Variants in DPP6 observed in about 807,000 individuals in gnomAD.
DPP6 encodes the protein A-type potassium channel modulatory protein DPP6.
DPP6 carries 69 observed loss-of-function variants against 122.6 expected under a neutral mutation model. The observed-to-expected ratio is 0.56, with a 90% CI of 0.46 to 0.69. The LOEUF (loss-of-function observed/expected upper bound fraction) is 0.69, where lower values mean the gene tolerates loss of function less well. DPP6 is among the 30% of genes least tolerant of loss of function. DPP6 has a pLI of 0.00. For missense variants in DPP6, 928 were observed against 1,116.9 expected, an observed-to-expected ratio of 0.83 and a Z score of 2.41; for synonymous variants, 418 against 433.1, an observed-to-expected ratio of 0.97 and a Z score of 0.43.
intron 8 of DPP6, among the ~76,000 whole-genome samples, chr7:154,750,056 A>G (rs1037404957): frequency 5.3e-5 from 8 of 151,954 alleles, no homozygotes; most frequent in Admixed American, 6.6e-5. Context: ...CATAGGACGG[A>G]AAATACCAGA....
chr7:154,692,783 T>C (rs1398545015), intron 7 of DPP6, among the ~76,000 whole-genome samples: 27 of 93,502 alleles, frequency 2.9e-4, no homozygotes, highest in African/African-American at 1.9e-3. Flanking sequence ...CTCTCTCTCT[T>C]TTTTTTTTTT....
chr7:153,939,827 A>G (rs1421448410), intron 1 of DPP6, among the ~76,000 whole-genome samples: 1 of 152,230 alleles, frequency 6.6e-6, no homozygotes, highest in Non-Finnish European at 1.5e-5. Flanking sequence ...GGAAAGAGGA[A>G]CCAGATGGAA....
intron 7 of DPP6, among the ~76,000 whole-genome samples, chr7:154,681,821 G>C (rs546223606): frequency 6.6e-6 from 1 of 152,330 alleles, no homozygotes; most frequent in South Asian, 2.1e-4. Flanking sequence ...AATACTGTCA[G>C]TCCCACTTAC....
At chr7:154,747,476 T>G (rs1414783348) in intron 8 of DPP6, among the ~76,000 whole-genome samples, 1 of 152,204 alleles carries the variant, frequency 6.6e-6, no homozygotes, top group East Asian at 1.9e-4. Context: ...AGCAAATTGA[T>G]TCACCTGTCA....
chr7:154,029,892 A>T (rs1215589120), intron 1 of DPP6, among the ~76,000 whole-genome samples: 2 of 151,298 alleles, frequency 1.3e-5, no homozygotes, highest in Non-Finnish European at 2.9e-5. Context: ...AAATTGCCTT[A>T]TGTCAAAAAT....
intron 1 of DPP6, among the ~76,000 whole-genome samples, chr7:154,225,778 C>T (rs773942915): frequency 9.2e-5 from 14 of 152,202 alleles, no homozygotes; most frequent in Middle Eastern, 3.4e-3. Context: ...TGTAAACATA[C>T]GAATTTCTGG....
At chr7:154,484,010 A>C (rs895026046) in intron 3 of DPP6, among the ~76,000 whole-genome samples, 7 of 152,166 alleles carry the variant, frequency 4.6e-5, no homozygotes, top group Non-Finnish European at 8.8e-5. Flanking sequence ...AATTTTATTT[A>C]TGTTTGCAAT....
At chr7:154,521,008 G>A (rs1826930268) in intron 3 of DPP6, among the ~76,000 whole-genome samples, 2 of 152,102 alleles carry the variant, frequency 1.3e-5, no homozygotes, top group African/African-American at 2.4e-5. Context: ...GACACCTTCA[G>A]TAATACTTGT....
the DPP6 span, among the ~76,000 whole-genome samples, chr7:153,784,815 A>G: frequency 1.3e-5 from 2 of 152,210 alleles, no homozygotes; most frequent in South Asian, 2.1e-4. Context: ...TAAAGTGGAT[A>G]CAAATTTTTT....
chr7:153,769,552 C>G, the DPP6 span, among the ~76,000 whole-genome samples: 1 of 152,270 alleles, frequency 6.6e-6, no homozygotes, highest in African/African-American at 2.4e-5. Context: ...CAGTAGGGAG[C>G]TGGCCATGAA....
intron 1 of DPP6, among the ~76,000 whole-genome samples, chr7:153,895,756 ACACACAC>A (rs1799387641): frequency 6.6e-6 from 1 of 151,082 alleles, no homozygotes; most frequent in Non-Finnish European, 1.5e-5. Context: ...ACACACACAC[ACACACAC>A]AATGTTCATA....
chr7:154,089,635 A>G (rs1804665046), intron 1 of DPP6, among the ~76,000 whole-genome samples: 2 of 132,148 alleles, frequency 1.5e-5, no homozygotes, highest in Admixed American at 8.1e-5. Context: ...CTGACTGACA[A>G]CATCCGTGAC....
intron 8 of DPP6, among the ~76,000 whole-genome samples, chr7:154,731,183 C>T (rs1393566789): frequency 6.6e-6 from 1 of 151,640 alleles, no homozygotes; most frequent in African/African-American, 2.4e-5. Flanking sequence ...CAAACACTTC[C>T]TTTAAAAAAG....
At chr7:154,620,271 C>T (rs1834554917) in intron 5 of DPP6, among the ~76,000 whole-genome samples, 2 of 152,314 alleles carry the variant, frequency 1.3e-5, no homozygotes, top group Non-Finnish European at 1.5e-5. Flanking sequence ...CAGTAGAGGA[C>T]CCTGAGCATA....
intron 25 of DPP6, 72 bp from the exon 26 acceptor site, chr7:154,892,262 C>A: frequency 6.2e-7 from 1 of 1,601,180 alleles, no homozygotes; most frequent in South Asian, 1.1e-5. Flanking sequence ...CTAAACTCCA[C>A]ACCTTCTGTG....
chr7:154,826,677 G>A (rs373598091), intron 16 of DPP6, among the ~76,000 whole-genome samples: 9 of 151,270 alleles, frequency 5.9e-5, no homozygotes, highest in South Asian at 2.1e-4. Flanking sequence ...GGAGAGATTC[G>A]AAAAATGAAT....
chr7:153,753,866 C>G, the DPP6 span, among the ~76,000 whole-genome samples: 3 of 152,122 alleles, frequency 2.0e-5, no homozygotes, highest in Admixed American at 2.0e-4. Context: ...GGCAAGAAGT[C>G]AATCCTTATT....
At position 154,481,334 on chromosome 7, in the gene DPP6, G is replaced by A. The variant is rs542682132; in HGVS notation, c.457+6297G>A. On this transcript the variant is annotated intron_variant, in intron 3 of 25. Transcript: ENST00000377770. The surrounding 1 kb of genome is among the most constrained non-coding windows in gnomAD (Gnocchi z 4.2). ...CTCTTCCGAGCTATACACTTGGAGA[G>A]AGAGAGAGAGGGGTGTGTGTGTGTG... Among the ~76,000 whole-genome samples the A allele has an allele frequency of 1.1e-5, 1 of 92,272 alleles. No homozygotes were observed. The highest frequency in any genetic ancestry group is 2.4e-5 in the Non-Finnish European group (1 of 41,732). 60.5% of individuals were successfully genotyped at this position (92,272 alleles called of 152,430 possible). A position where few individuals can be genotyped will look rare whatever the true frequency, so the allele number is the denominator to read the frequency against.
chr7:154,174,313 G>T (rs1364274511), intron 1 of DPP6, among the ~76,000 whole-genome samples: 1 of 152,228 alleles, frequency 6.6e-6, no homozygotes, highest in Non-Finnish European at 1.5e-5. Flanking sequence ...TCATTACAGT[G>T]CATGGCACAT....
Sources: allele counts gnomAD v4.1 joint callset (sites outside exome capture counted in the v4.1 genomes callset), GRCh38; gene constraint gnomAD v4.1.1; non-coding constraint Gnocchi (gnomAD v3.1); transcripts MANE v1.5; gene names NCBI Gene and HGNC (gene_info 2026-07-23, HGNC 2026-07-21).